PID1: variants seen among roughly 807,000 people sequenced by gnomAD.
PID1 encodes phosphotyrosine interaction domain containing 1.
PID1 carries 10 observed loss-of-function variants against 19.1 expected under a neutral mutation model. That is an observed-to-expected ratio of 0.52 (90% confidence interval 0.32 to 0.89). The LOEUF (loss-of-function observed/expected upper bound fraction) is 0.89, where lower values mean the gene tolerates loss of function less well. PID1 is among the 40% of genes least tolerant of loss of function. The pLI is 0.03. For synonymous variants in PID1, 130 were observed against 116.0 expected (o/e 1.12, Z -0.78); for missense variants, 248 against 285.3 (o/e 0.87, Z 0.94).
intron 2 of PID1, among the ~76,000 whole-genome samples, chr2:229,147,316 A>T (rs1424712158): frequency 3.3e-5 from 5 of 151,918 alleles, no homozygotes; most frequent in East Asian, 3.9e-4. Context: ...ATCCAAATAA[A>T]TTTTTTCTTT....
intron 1 of PID1, among the ~76,000 whole-genome samples, chr2:229,250,891 GGGA>G (rs1372507818): frequency 6.6e-6 from 1 of 152,130 alleles, no homozygotes; most frequent in African/African-American, 2.4e-5. Context: ...CTTGAGCACA[GGGA>G]CCTCTTCTTT....
At chr2:229,242,683 C>T (rs575941953) in intron 1 of PID1, among the ~76,000 whole-genome samples, 1 of 152,256 alleles carries the variant, frequency 6.6e-6, no homozygotes, top group South Asian at 2.1e-4. Flanking sequence ...AAACATTTCC[C>T]TGCTTGCAAT....
At chr2:229,159,865 G>A (rs1690457108) in intron 1 of PID1, among the ~76,000 whole-genome samples, 1 of 152,154 alleles carries the variant, frequency 6.6e-6, no homozygotes, top group Admixed American at 6.5e-5. Context: ...ATAGATTCCA[G>A]CCCAATGCAG....
intron 2 of PID1, among the ~76,000 whole-genome samples, chr2:229,115,414 AAAAG>A (rs1432250723): frequency 1.3e-5 from 2 of 151,496 alleles, no homozygotes; most frequent in South Asian, 2.1e-4. Context: ...AAAAAAAAAA[AAAAG>A]AAGAGAAGAG....
At chr2:229,086,836 A>C (rs1330038123) in intron 2 of PID1, among the ~76,000 whole-genome samples, 1 of 152,076 alleles carries the variant, frequency 6.6e-6, no homozygotes, top group African/African-American at 2.4e-5. Context: ...AGCATGCTTC[A>C]TATTTGCAGA....
In PID1 at chr2:229,258,352, A is replaced by C. The variant is rs566112285; in HGVS notation, c.30+12662T>G. On this transcript the variant is annotated intron_variant, in intron 1 of 2. Coordinates refer to ENST00000392055, the MANE Select transcript of PID1 (RefSeq NM_001100818.2). ...GATGGATGAAAAATGTCATTTCAAGAACTAAATGAAGAAATGTTTTAAAAG... is the reference window on the plus strand; with the variant it reads ...GATGGATGAAAAATGTCATTTCAAGCACTAAATGAAGAAATGTTTTAAAAG... Among the ~76,000 whole-genome samples, 15 of 152,350 alleles carry C rather than the reference A, an allele frequency of 9.8e-5. No individual in the cohort carries two copies. In the South Asian group the frequency reaches 3.1e-3, roughly 32 times the overall value.
Position 229,155,819 on chromosome 2 carries a change from T to C in PID1, c.176A>G (p.Lys59Arg), listed in dbSNP as rs1327420683. 6.2e-7 allele frequency: 1 copy of C among 1,611,000 alleles called. No homozygotes were observed. The highest frequency in any genetic ancestry group is 1.3e-5 in the African/African-American group (1 of 74,954). The change falls in exon 2 of 3, where the codon AAG becomes AGG. Residue 59 changes from lysine (K) to arginine (R), a missense_variant and splice_region_variant. Transcript: ENST00000392055. ...LMKTRTHSGC[K>R]VTYLGKVSTT... Reference sequence around the variant, plus strand: ...CCCTGCTGGCCACGTGCCCCATACCTTGCAGCCACTGTGAGTCCTTGTCTT... The same window carrying C: ...CCCTGCTGGCCACGTGCCCCATACCCTGCAGCCACTGTGAGTCCTTGTCTT...
At chr2:229,218,420 A>G (rs534290487) in intron 1 of PID1, among the ~76,000 whole-genome samples, 2 of 152,108 alleles carry the variant, frequency 1.3e-5, no homozygotes, top group South Asian at 4.1e-4. Flanking sequence ...GTCAAGTTGC[A>G]CAAGTCGTAA....
intron 2 of PID1, among the ~76,000 whole-genome samples, chr2:229,077,186 C>CT (rs1271577723): frequency 6.6e-6 from 1 of 152,078 alleles, no homozygotes; most frequent in African/African-American, 2.4e-5. Flanking sequence ...TGCATGTCTT[C>CT]TTTTGAAAAG....
At chr2:229,109,829 C>CAG (rs1373781062) in intron 2 of PID1, among the ~76,000 whole-genome samples, 3 of 152,212 alleles carry the variant, frequency 2.0e-5, no homozygotes, top group African/African-American at 7.2e-5. Context: ...GCCAGGGCTG[C>CAG]AGAGCATCAG....
In PID1 at chr2:229,244,842, T is replaced by G. The variant is rs1689960463; in HGVS notation, c.30+26172A>C. 2.0e-5 allele frequency: 3 copies of G among 152,048 alleles called. No individual in the cohort carries two copies. The South Asian group carries it at 6.2e-4, about 31-fold the overall frequency. 9.4% of individuals were successfully genotyped at this position (152,048 alleles called of 1,614,324 possible). A position where few individuals can be genotyped will look rare whatever the true frequency, so the allele number is the denominator to read the frequency against. On this transcript the variant is annotated intron_variant, in intron 1 of 2. Transcript: ENST00000392055. ...TTCCCATCAGAAGGTTCCTACAAAA[T>G]CCTCCCTACCTTATGCTCTGCCTCT...
intron 2 of PID1, among the ~76,000 whole-genome samples, chr2:229,073,111 C>T (rs548481036): frequency 5.9e-5 from 9 of 152,148 alleles, no homozygotes; most frequent in Non-Finnish European, 8.8e-5. Flanking sequence ...CTGCAAGCTC[C>T]GTCTCTCAGG....
chr2:229,210,063 T>A (rs1691693230), intron 1 of PID1, among the ~76,000 whole-genome samples: 1 of 152,038 alleles, frequency 6.6e-6, no homozygotes, highest in African/African-American at 2.4e-5. Flanking sequence ...CTTCCCTAAA[T>A]TTTTGTTTAT....
At chr2:229,177,875 T>G (rs916452021) in intron 1 of PID1, among the ~76,000 whole-genome samples, 1 of 152,194 alleles carries the variant, frequency 6.6e-6, no homozygotes, top group Admixed American at 6.5e-5. Context: ...TAAACCCATT[T>G]ACAGTGGTCA....
chr2:229,089,813 A>G (rs1694836386), intron 2 of PID1, among the ~76,000 whole-genome samples: 1 of 152,182 alleles, frequency 6.6e-6, no homozygotes, highest in Non-Finnish European at 1.5e-5. Context: ...GGAAAATGTC[A>G]GTTATCAGCA....
At chr2:229,177,933 C>G (rs1278438539) in intron 1 of PID1, among the ~76,000 whole-genome samples, 1 of 152,118 alleles carries the variant, frequency 6.6e-6, no homozygotes, top group Non-Finnish European at 1.5e-5. Flanking sequence ...AGGTGTGCAG[C>G]TCAAAATCAA....
intron 2 of PID1, among the ~76,000 whole-genome samples, chr2:229,117,722 C>A (rs953506081): frequency 1.3e-5 from 2 of 152,090 alleles, no homozygotes; most frequent in African/African-American, 4.8e-5. Context: ...TCAAACATGA[C>A]AAGATCCTTG....
intron 2 of PID1, among the ~76,000 whole-genome samples, chr2:229,142,976 G>GA (rs1209200184): frequency 6.7e-6 from 1 of 149,018 alleles, no homozygotes; most frequent in African/African-American, 2.5e-5. Context: ...ACTGGATTAA[G>GA]AAAATGTGGC....
At chr2:229,238,925 T>C (rs913507430) in intron 1 of PID1, among the ~76,000 whole-genome samples, 5 of 152,144 alleles carry the variant, frequency 3.3e-5, no homozygotes, top group Admixed American at 6.6e-5. Flanking sequence ...ACCTCAAGAA[T>C]ATTGTAAAGA....
Sources: allele counts gnomAD v4.1 joint callset (sites outside exome capture counted in the v4.1 genomes callset), GRCh38; gene constraint gnomAD v4.1.1; transcripts MANE v1.5; gene names NCBI Gene and HGNC (gene_info 2026-07-23, HGNC 2026-07-21).